Variants in MDFIC observed in about 807,000 individuals in gnomAD.
MDFIC encodes the protein MyoD family inhibitor domain containing.
A neutral mutation model predicts 23.2 loss-of-function variants in MDFIC; 17 were observed. The observed-to-expected ratio is 0.73, with a 90% CI of 0.50 to 1.10. The LOEUF (loss-of-function observed/expected upper bound fraction) is 1.10, where lower values mean the gene tolerates loss of function less well. MDFIC is among the 50% of genes least tolerant of loss of function. The pLI is 0.00. For missense variants in MDFIC, 356 were observed against 316.6 expected (o/e 1.12, Z -0.95); for synonymous variants, 120 against 115.2 (o/e 1.04, Z -0.27).
chr7:114,960,756 A>G (rs1210765313), intron 3 of MDFIC, among the ~76,000 whole-genome samples: 4 of 152,190 alleles, frequency 2.6e-5, no homozygotes, highest in Non-Finnish European at 4.4e-5. Context: ...TTCAATATGT[A>G]TATTCTATGA....
At chr7:114,985,580 C>CA (rs1793496865) in intron 4 of MDFIC, among the ~76,000 whole-genome samples, 1 of 151,526 alleles carries the variant, frequency 6.6e-6, no homozygotes, top group Non-Finnish European at 1.5e-5. Flanking sequence ...TTATTTCATC[C>CA]CCCAGGTATT....
intron 3 of MDFIC, among the ~76,000 whole-genome samples, chr7:114,971,435 G>A (rs2115917221): frequency 6.6e-6 from 1 of 152,226 alleles, no homozygotes; most frequent in African/African-American, 2.4e-5. Context: ...ACACAGAGGG[G>A]AGTAAAGGGA....
chr7:114,924,315 T>C (rs1792149184), intron 2 of MDFIC, among the ~76,000 whole-genome samples: 2 of 152,254 alleles, frequency 1.3e-5, no homozygotes, highest in Non-Finnish European at 2.9e-5. Flanking sequence ...TTAGTAGTCA[T>C]ATCGACTCAT....
At position 115,019,543 on chromosome 7, in the gene MDFIC, T is replaced by C. The variant is rs1247015138; in HGVS notation, c.*3608T>C. Among the ~76,000 whole-genome samples, 2 of 152,120 alleles carry C rather than the reference T, an allele frequency of 1.3e-5. No homozygotes were observed. The highest frequency in any genetic ancestry group is 4.8e-5 in the African/African-American group (2 of 41,452). On this transcript the variant is annotated 3_prime_UTR_variant, in exon 5 of 5. Transcript: ENST00000393486. The stretch of plus-strand genomic sequence containing the variant: ...TAACATAAATAAGTATCTTGCCTTC[T>C]TGAATGCTAGTTAAATGCTTAGATT...
At chr7:114,991,642 C>G (rs1332592319) in intron 4 of MDFIC, among the ~76,000 whole-genome samples, 1 of 152,132 alleles carries the variant, frequency 6.6e-6, no homozygotes, top group Non-Finnish European at 1.5e-5. Context: ...TCAGGTTTGT[C>G]AAAGATCACA....
chr7:114,942,227 G>T, intron 2 of MDFIC, 48 bp from the exon 3 acceptor site: 2 of 1,208,536 alleles, frequency 1.7e-6, no homozygotes. Context: ...AAAAAGGAGA[G>T]AAAAATATAT....
rs537991125 is a variant in MDFIC, at chr7:114,990,842, A to T, written c.493+11061A>T. Among the ~76,000 whole-genome samples the T allele has an allele frequency of 2.0e-5, 3 of 152,146 alleles. No individual in the cohort carries two copies. The East Asian group carries it at 5.8e-4, about 29-fold the overall frequency. Reference sequence around the variant, plus strand: ...ATGTGTCTTTATAGCAGCATGATTTATAATCCTTTGGGTATATACCCAGTA... The same window carrying T: ...ATGTGTCTTTATAGCAGCATGATTTTTAATCCTTTGGGTATATACCCAGTA... On this transcript the variant is annotated intron_variant, in intron 4 of 4. Transcript: ENST00000393486.
At chr7:114,975,458 G>GA (rs1218629555) in intron 3 of MDFIC, among the ~76,000 whole-genome samples, 1 of 151,934 alleles carries the variant, frequency 6.6e-6, no homozygotes, top group East Asian at 1.9e-4. Context: ...TTTGAAAAAA[G>GA]AAAGACAGCT....
chr7:115,009,952 T>C (rs914510935), intron 4 of MDFIC, among the ~76,000 whole-genome samples: 2 of 152,204 alleles, frequency 1.3e-5, no homozygotes, highest in South Asian at 4.1e-4. Context: ...AATTCTTGCT[T>C]GGCCCAGTTT....
chr7:114,970,603 G>A (rs1036607901), intron 3 of MDFIC, among the ~76,000 whole-genome samples: 8 of 152,068 alleles, frequency 5.3e-5, no homozygotes, highest in South Asian at 2.1e-4. Context: ...GGGTTGCTGC[G>A]CCTTCCCCAG....
intron 3 of MDFIC, among the ~76,000 whole-genome samples, chr7:114,947,083 G>A (rs1286572535): frequency 6.6e-6 from 1 of 152,120 alleles, no homozygotes; most frequent in Admixed American, 6.5e-5. Context: ...GCACATTTCA[G>A]TAAGTGTTAA....
chr7:114,990,498 C>T lies in MDFIC; in HGVS notation c.493+10717C>T, dbSNP rs534321545. Among the ~76,000 whole-genome samples the T allele has an allele frequency of 7.4e-4, 112 of 152,316 alleles. 2 individuals carry two copies. Among genetic ancestry groups the T allele is most frequent in the African/African-American group, 2.1e-3 (89 of 41,572 alleles). Reference sequence around the variant, plus strand: ...TATATCTCCTAATGCTATCCCTCCCCTCTGCCTGCCCCACGACAGGCCCCA... The same window carrying T: ...TATATCTCCTAATGCTATCCCTCCCTTCTGCCTGCCCCACGACAGGCCCCA... On this transcript the variant is annotated intron_variant, in intron 4 of 4. Coordinates refer to ENST00000393486, the MANE Select transcript of MDFIC (RefSeq NM_001166345.3).
At chr7:114,988,144 A>G (rs909613114) in intron 4 of MDFIC, among the ~76,000 whole-genome samples, 1 of 152,178 alleles carries the variant, frequency 6.6e-6, no homozygotes, top group African/African-American at 2.4e-5. Flanking sequence ...GTGTTTGTAG[A>G]CAAGCTATCT....
At chr7:114,929,505 T>C (rs1331482332) in intron 2 of MDFIC, among the ~76,000 whole-genome samples, 5 of 152,202 alleles carry the variant, frequency 3.3e-5, no homozygotes, top group Admixed American at 2.0e-4. Flanking sequence ...TCTTTAATGA[T>C]AGTTTTCTCG....
chr7:114,933,319 C>T (rs979164497), intron 2 of MDFIC, among the ~76,000 whole-genome samples: 29 of 144,374 alleles, frequency 2.0e-4, no homozygotes, highest in Non-Finnish European at 3.9e-4. Flanking sequence ...AGTGCAATGG[C>T]GTGATCTCGG....
rs890259435 is a variant in MDFIC at position 115,019,472 on chromosome 7, A to G, written c.*3537A>G. Among the ~76,000 whole-genome samples the G allele has an allele frequency of 1.3e-5, 2 of 152,096 alleles. No individual in the cohort carries two copies. Among genetic ancestry groups the G allele is most frequent in the African/African-American group, 2.4e-5 (1 of 41,420 alleles). On this transcript the variant is annotated 3_prime_UTR_variant, in exon 5 of 5. Coordinates refer to ENST00000393486, the MANE Select transcript of MDFIC (RefSeq NM_001166345.3). Reference sequence around the variant, plus strand: ...TCAGTGCCCTAGATTCTAATGTTATAAACGTCAAACATCACTGCCCAACAT... The same window carrying G: ...TCAGTGCCCTAGATTCTAATGTTATGAACGTCAAACATCACTGCCCAACAT...
chr7:114,971,617 A>G (rs937402203), intron 3 of MDFIC, among the ~76,000 whole-genome samples: 4 of 152,188 alleles, frequency 2.6e-5, no homozygotes, highest in African/African-American at 9.6e-5. Flanking sequence ...TTTATCCTCA[A>G]ATGAATGACA....
At chr7:114,929,163 G>A (rs1021232504) in intron 2 of MDFIC, among the ~76,000 whole-genome samples, 123 of 146,662 alleles carry the variant, frequency 8.4e-4, no homozygotes, top group African/African-American at 2.9e-3. Flanking sequence ...CTGGAGTGTA[G>A]TGGCATGATC....
chr7:114,923,507 A>G (rs377226220), intron 2 of MDFIC: 4 of 1,537,652 alleles, frequency 2.6e-6, no homozygotes, highest in South Asian at 1.2e-5. Flanking sequence ...ACAAGCGTGC[A>G]CTTACTCCAT....
Sources: allele counts gnomAD v4.1 joint callset (sites outside exome capture counted in the v4.1 genomes callset), GRCh38; gene constraint gnomAD v4.1.1; transcripts MANE v1.5; gene names NCBI Gene and HGNC (gene_info 2026-07-23, HGNC 2026-07-21).